Variants in NPHP4 observed in about 807,000 individuals in gnomAD.
NPHP4 encodes nephrocystin 4, also known as nephrocystin-4.
Under a neutral mutation model 155.8 loss-of-function variants are expected in NPHP4, and 151 were observed. The ratio of observed to expected loss-of-function variants is 0.97; its 90% CI spans 0.85 to 1.11. NPHP4 has a LOEUF of 1.11. NPHP4 is among the 50% of genes least tolerant of loss of function. The probability of loss-of-function intolerance (pLI) is 0.00; values close to 1 mark genes in which losing one functional copy is unlikely to be tolerated. For missense variants in NPHP4, 1,956 were observed against 1,925.7 expected, an observed-to-expected ratio of 1.02 and a Z score of -0.29; for synonymous variants, 845 against 816.8, an observed-to-expected ratio of 1.03 and a Z score of -0.59.
intron 22 of NPHP4, among the ~76,000 whole-genome samples, chr1:5,874,241 G>A (rs1642309682): frequency 6.6e-6 from 1 of 151,088 alleles, no homozygotes; most frequent in African/African-American, 2.4e-5. Flanking sequence ...AGAAAATTAG[G>A]AGGAGATGGT....
In NPHP4 at chr1:5,868,686, A is replaced by C. The variant is rs139014510; in HGVS notation, c.3316-790T>G. On this transcript the variant is annotated intron_variant, in intron 23 of 29. Coordinates refer to ENST00000378156, the MANE Select transcript of NPHP4 (RefSeq NM_015102.5). ...GCCACAAATGCACACACATGCATGT[A>C]CACATATACATGCACGCATGCCCCA... Among the ~76,000 whole-genome samples the C allele has an allele frequency of 1.7e-3, 255 of 149,604 alleles. 2 individuals are homozygous for C. Among genetic ancestry groups the C allele is most frequent in the Middle Eastern group, 7.1e-3 (2 of 282 alleles).
chr1:5,877,102 C>T lies in NPHP4; in HGVS notation c.2808G>A (p.Thr936=), dbSNP rs17028857. ...EAGGDLGRRG[T]SVLAQQSVRT... Reference sequence around the variant, plus strand: ...CTGAACAAACCCTTACCAACACGCTCGTCCCGCGCCGGCCCAAGTCTCCCC... The same window carrying T: ...CTGAACAAACCCTTACCAACACGCTTGTCCCGCGCCGGCCCAAGTCTCCCC... Residue 936 remains threonine, a synonymous_variant, in exon 20 of 30, where the codon ACG becomes ACA. Coordinates refer to ENST00000378156, the MANE Select transcript of NPHP4 (RefSeq NM_015102.5). 2.2e-3 allele frequency: 3,426 copies of T among 1,568,274 alleles called. 73 individuals are homozygous for T. The African/African-American group carries it at 0.042, about 19-fold the overall frequency.
At chr1:5,979,012 C>A (rs142012497) in intron 2 of NPHP4, among the ~76,000 whole-genome samples, 58 of 152,208 alleles carry the variant, frequency 3.8e-4, no homozygotes, top group African/African-American at 1.3e-3. Flanking sequence ...AAATACAGAA[C>A]AAAGCAGCCA....
intron 6 of NPHP4, among the ~76,000 whole-genome samples, chr1:5,958,587 C>T (rs986102840): frequency 1.3e-5 from 2 of 151,622 alleles, no homozygotes; most frequent in South Asian, 2.1e-4. Flanking sequence ...CCCAGCTACT[C>T]GGGAGGCTGA....
At chr1:5,943,954 T>C (rs571650064) in intron 9 of NPHP4, among the ~76,000 whole-genome samples, 15 of 151,904 alleles carry the variant, frequency 9.9e-5, no homozygotes, top group Non-Finnish European at 1.9e-4. Context: ...GAGCGATAAA[T>C]TGGGGGTTGG....
Position 5,941,267 on chromosome 1 carries a change from C to T in NPHP4, c.1119+5837G>A, listed in dbSNP as rs150365587. On this transcript the variant is annotated intron_variant, in intron 9 of 29. Coordinates refer to ENST00000378156, the MANE Select transcript of NPHP4 (RefSeq NM_015102.5). ...AAGATAAAATCAGATCCATCCCTCACACCACAAACAAGAGATCTAGACAAA... is the reference window on the plus strand; with the variant it reads ...AAGATAAAATCAGATCCATCCCTCATACCACAAACAAGAGATCTAGACAAA... Among the ~76,000 whole-genome samples the T allele has an allele frequency of 7.1e-3, 734 of 103,264 alleles. 9 individuals carry two copies. Among genetic ancestry groups the T allele is most frequent in the African/African-American group, 0.025 (649 of 25,652 alleles). 67.7% of individuals were successfully genotyped at this position (103,264 alleles called of 152,430 possible).
rs758049366 is a variant in NPHP4, at chr1:5,865,259, G to A, written c.3659C>T (p.Ala1220Val). The change falls in exon 27 of 30, where the codon GCG becomes GTG. Residue 1220 changes from alanine to valine, a missense_variant. Ala to Val is a moderately conservative substitution (Grantham distance 64). Transcript: ENST00000378156. ...FVIIYSDRWL[A>V]TPTQTWQVYL... The stretch of plus-strand genomic sequence containing the variant: ...GACCTGCCACGTCTGTGTGGGTGTC[G>A]CCAGCCAGCGATCCCTGCAGTGGGA... The A allele has an allele frequency of 3.4e-5, 54 of 1,565,914 alleles. No individual in the cohort carries two copies. The highest frequency in any genetic ancestry group is 4.5e-5 in the Non-Finnish European group (52 of 1,148,830).
intron 6 of NPHP4, among the ~76,000 whole-genome samples, chr1:5,960,800 C>T (rs60082455): frequency 5.1e-3 from 777 of 152,072 alleles, no homozygotes; most frequent in African/African-American, 0.018. Context: ...CTGCTGGGGT[C>T]GACCCAATTC....
At chr1:5,935,457 T>C (rs1200561395) in intron 9 of NPHP4, among the ~76,000 whole-genome samples, 1 of 152,224 alleles carries the variant, frequency 6.6e-6, no homozygotes, top group Non-Finnish European at 1.5e-5. Flanking sequence ...CTTTCAACAT[T>C]TGCCAAATAC....
At chr1:5,954,770 G>A (rs904115027) in intron 6 of NPHP4, among the ~76,000 whole-genome samples, 5 of 152,160 alleles carry the variant, frequency 3.3e-5, no homozygotes, top group African/African-American at 7.2e-5. Context: ...GAAGTGCTTC[G>A]TAACACTGGG....
Position 5,910,223 on chromosome 1 carries a change from G to A in NPHP4, c.1442-1010C>T, listed in dbSNP as rs929848540. Reference sequence around the variant, plus strand: ...CCAGGGTGGGAGCCCTGCACACTGAGTCATCTGCCTGGCTTCCCTGAGGCC... The same window carrying A: ...CCAGGGTGGGAGCCCTGCACACTGAATCATCTGCCTGGCTTCCCTGAGGCC... On this transcript the variant is annotated intron_variant, in intron 11 of 29. Transcript: ENST00000378156. The surrounding 1 kb of genome is among the most constrained non-coding windows in gnomAD (Gnocchi z 5.4). Among the ~76,000 whole-genome samples the A allele has an allele frequency of 2.6e-5, 4 of 152,170 alleles. No homozygotes were observed. The highest frequency in any genetic ancestry group is 9.7e-5 in the African/African-American group (4 of 41,432).
intron 16 of NPHP4, among the ~76,000 whole-genome samples, chr1:5,900,834 C>T (rs1644639363): frequency 6.6e-6 from 1 of 152,056 alleles, no homozygotes; most frequent in Non-Finnish European, 1.5e-5. Context: ...AGTTCAACAC[C>T]AGCCTGGGCA....
rs1354295389 is a variant in NPHP4 at position 5,863,097 on chromosome 1, A to G, written c.*168T>C. Reference sequence around the variant, plus strand: ...AGCAGCTAAGCTGGATGCAGGTACTACAAAATGACCAGCGCTCGGTCTCTG... The same window carrying G: ...AGCAGCTAAGCTGGATGCAGGTACTGCAAAATGACCAGCGCTCGGTCTCTG... On this transcript the variant is annotated 3_prime_UTR_variant, in exon 30 of 30. Transcript: ENST00000378156. 1 of 686,858 alleles carries G rather than the reference A, an allele frequency of 1.5e-6. No homozygotes were observed. The highest frequency in any genetic ancestry group is 2.7e-5 in the East Asian group (1 of 36,810). The allele number at this position is 686,858 out of a possible 1,614,324, so 42.5% of individuals were successfully genotyped here. A position where few individuals can be genotyped will look rare whatever the true frequency, so the allele number is the denominator to read the frequency against.
intron 8 of NPHP4, 99 bp from the exon 9 acceptor site, chr1:5,947,329 G>A: frequency 8.0e-7 from 1 of 1,244,752 alleles, no homozygotes; most frequent in Non-Finnish European, 1.1e-6. Context: ...GGGACACCCT[G>A]GGGGACACAG....
chr1:5,866,366 C>T lies in NPHP4; in HGVS notation c.3644+7G>A. 1 of 1,586,116 alleles carries T rather than the reference C, an allele frequency of 6.3e-7. No homozygotes were observed. The highest frequency in any genetic ancestry group is 8.6e-7 in the Non-Finnish European group (1 of 1,158,422). On this transcript the variant is annotated splice_region_variant and intron_variant, in intron 26 of 29. Transcript: ENST00000378156. ...CGCCTCCAGGTCCCCAAAGCCTGTG[C>T]ACTTACGAGTAAATGATGACAAAGA... is the stretch of plus-strand genomic sequence containing the variant.
chr1:5,870,246 C>A (rs540599823), intron 23 of NPHP4, among the ~76,000 whole-genome samples: 22 of 152,288 alleles, frequency 1.4e-4, no homozygotes, highest in Non-Finnish European at 2.8e-4. Context: ...AGGGGTGAAT[C>A]AACAGGACGC....
chr1:5,933,943 A>C lies in NPHP4; in HGVS notation c.1120-614T>G, dbSNP rs370705018. 1.6e-4 allele frequency among the ~76,000 whole-genome samples: 25 copies of C among 152,296 alleles called. No individual in the cohort carries two copies. In the East Asian group the frequency reaches 3.5e-3, roughly 21 times the overall value. ...CTTTCTGCTTCTCTCTGGCTGGCCA[A>C]ATGGAAGGAATGAGGACACTGTGAA... On this transcript the variant is annotated intron_variant, in intron 9 of 29. Transcript: ENST00000378156.
At chr1:5,964,942 T>TATA (rs1553194795) in intron 5 of NPHP4, among the ~76,000 whole-genome samples, 19 of 44,516 alleles carry the variant, frequency 4.3e-4, no homozygotes, top group South Asian at 2.5e-3. Context: ...TATATATATA[T>TATA]TTTTTTTTTT....
chr1:5,911,829 T>C (rs1055616790), intron 11 of NPHP4, among the ~76,000 whole-genome samples: 1 of 152,170 alleles, frequency 6.6e-6, no homozygotes, highest in African/African-American at 2.4e-5. Context: ...TGGGTTAAGG[T>C]GCTTCCCAAA....
Sources: gnomAD v4.1 joint callset for allele counts (sites outside exome capture counted in the v4.1 genomes callset) on GRCh38, gnomAD v4.1.1 for gene constraint, Gnocchi (gnomAD v3.1) non-coding constraint, MANE v1.5 for transcripts, NCBI Gene and HGNC (gene_info 2026-07-23, HGNC 2026-07-21) for gene names.